CHD2: variants seen among roughly 807,000 people sequenced by gnomAD.
CHD2 encodes chromodomain helicase DNA binding protein 2.
In CHD2, 28 loss-of-function variants were observed where a neutral mutation model predicts 243.9. The observed-to-expected ratio is 0.11, with a 90% confidence interval of 0.09 to 0.16. The LOEUF is 0.16. CHD2 is among the 10% of genes least tolerant of loss of function. The pLI is 1.00. For missense variants in CHD2, 1,386 were observed against 2,209.8 expected (o/e 0.63, Z 7.47); for synonymous variants, 775 against 779.0 (o/e 0.99, Z 0.09).
In CHD2 at chr15:92,901,174, C is replaced by A; in HGVS notation, c.-64C>A. The stretch of plus-strand genomic sequence containing the variant: ...TCTTTCAACTTTTGACAGTAAATAC[C>A]TGGGCACAGGACTTCAAAGCAAACA... On this transcript the variant is annotated 5_prime_UTR_variant, in exon 2 of 39. The change creates a new upstream start codon in the 5' untranslated region. Transcript: ENST00000394196. 1.1e-6 allele frequency: 1 copy of A among 944,736 alleles called. No individual in the cohort carries two copies. Among genetic ancestry groups the A allele is most frequent in the Non-Finnish European group, 1.7e-6 (1 of 584,218 alleles). 58.5% of individuals were successfully genotyped at this position (944,736 alleles called of 1,614,324 possible).
intron 35 of CHD2, among the ~76,000 whole-genome samples, 186 bp from the exon 36 acceptor site, chr15:93,012,159 C>G (rs1439958663): frequency 1.3e-5 from 2 of 152,076 alleles, no homozygotes; most frequent in Admixed American, 1.3e-4. Context: ...AAGAACCTAT[C>G]GACAACATTA....
chr15:93,008,435 C>T (rs1399577446), intron 34 of CHD2, among the ~76,000 whole-genome samples: 2 of 152,222 alleles, frequency 1.3e-5, no homozygotes, highest in Non-Finnish European at 2.9e-5. Flanking sequence ...AACCGCTCCC[C>T]ATTTTAGCCC....
chr15:92,953,754 A>G (rs558015481), intron 14 of CHD2, 181 bp downstream of exon 14: 1 of 607,004 alleles, frequency 1.6e-6, no homozygotes, highest in African/African-American at 1.8e-5. Context: ...TTTAACAAAT[A>G]TGCTTACTAG....
intron 2 of CHD2, among the ~76,000 whole-genome samples, chr15:92,910,899 C>T (rs1326570247): frequency 6.6e-6 from 1 of 152,148 alleles, no homozygotes; most frequent in African/African-American, 2.4e-5. Flanking sequence ...GTATAGCCTA[C>T]TGCACACTTA....
In CHD2 at chr15:92,944,439, T is replaced by C; in HGVS notation, c.1077T>C (p.Asp359=). 1 of 1,609,856 alleles carries C rather than the reference T, an allele frequency of 6.2e-7. No individual in the cohort carries two copies. The highest frequency in any genetic ancestry group is 2.2e-5 in the East Asian group (1 of 44,782). ...KQWLGKVSPE[D]VEYFNCQQEL... ...GGTTAGGGAAAGTTTCTCCTGAAGA[T>C]GTAGAATATTTCAATTGCCAACAGG... The change falls in exon 10 of 39, where the codon GAT becomes GAC. Residue 359 remains aspartate, a synonymous_variant. Coordinates refer to ENST00000394196, the MANE Select transcript of CHD2 (RefSeq NM_001271.4).
At chr15:93,007,471 TTTA>T (rs1455517028) in intron 34 of CHD2, among the ~76,000 whole-genome samples, 4 of 152,228 alleles carry the variant, frequency 2.6e-5, no homozygotes, top group Non-Finnish European at 5.9e-5. Flanking sequence ...TGGTATATTT[TTTA>T]TTTTATGTCC....
intron 13 of CHD2, among the ~76,000 whole-genome samples, chr15:92,951,183 T>G (rs1252171214): frequency 6.6e-6 from 1 of 152,074 alleles, no homozygotes; most frequent in Admixed American, 6.5e-5. Flanking sequence ...ATTTTTTAGT[T>G]TTTTTGAGAC....
At chr15:92,926,026 C>T (rs1051679817) in intron 3 of CHD2, among the ~76,000 whole-genome samples, 22 of 152,182 alleles carry the variant, frequency 1.4e-4, no homozygotes, top group African/African-American at 4.8e-4. Context: ...GGCTGGAGTG[C>T]AGTGGTGCAA....
At chr15:92,945,726 G>T (rs2053456878) in intron 10 of CHD2, 95 bp from the exon 11 acceptor site, 3 of 719,798 alleles carry the variant, frequency 4.2e-6, no homozygotes, top group South Asian at 4.5e-5. Flanking sequence ...AAGGTGTGAG[G>T]TAGTAGAATA....
chr15:92,904,530 G>A (rs2052583266), intron 2 of CHD2: 1 of 997,774 alleles, frequency 1.0e-6, no homozygotes, highest in Non-Finnish European at 1.2e-6. Flanking sequence ...TTTCCGGTGG[G>A]CGGCTTCTTT....
At chr15:92,907,985 A>G (rs2052652727) in intron 2 of CHD2, among the ~76,000 whole-genome samples, 1 of 148,174 alleles carries the variant, frequency 6.7e-6, no homozygotes, top group Non-Finnish European at 1.5e-5. Flanking sequence ...TGCGTTTTAC[A>G]GTTCATCCTC....
chr15:92,950,397 T>TAG (rs1444728725), intron 13 of CHD2: 13 of 152,224 alleles, frequency 8.5e-5, no homozygotes, highest in Non-Finnish European at 1.2e-4. Context: ...TGAACCTATA[T>TAG]AGATGTATTT....
At chr15:92,945,208 A>G (rs976414329) in intron 10 of CHD2, 1 of 152,304 alleles carries the variant, frequency 6.6e-6, no homozygotes, top group Non-Finnish European at 1.5e-5. Context: ...TGAATTTGGC[A>G]CTGGCAAAAC....
chr15:92,967,823 T>C (rs1257850884), intron 17 of CHD2, among the ~76,000 whole-genome samples: 1 of 152,164 alleles, frequency 6.6e-6, no homozygotes, highest in Non-Finnish European at 1.5e-5. Context: ...ATTTCAATAC[T>C]GTTGTTATGT....
chr15:93,009,351 T>C, intron 35 of CHD2, 28 bp downstream of exon 35: 5 of 1,602,184 alleles, frequency 3.1e-6, no homozygotes, highest in Non-Finnish European at 3.4e-6. Context: ...GTCTGCCCAG[T>C]TTGATTTGAC....
At chr15:92,990,436 C>G (rs935537576) in intron 26 of CHD2, among the ~76,000 whole-genome samples, 7 of 152,240 alleles carry the variant, frequency 4.6e-5, no homozygotes, top group African/African-American at 1.7e-4. Flanking sequence ...TGATTGTGAC[C>G]GTTTATGCCA....
At chr15:92,953,796 T>A in intron 14 of CHD2, 1 of 538,170 alleles carries the variant, frequency 1.9e-6, no homozygotes, top group Non-Finnish European at 3.3e-6. Flanking sequence ...TGAGTGGGAA[T>A]CTCTTTTAGC....
intron 37 of CHD2, among the ~76,000 whole-genome samples, chr15:93,019,288 G>A (rs889269874): frequency 6.6e-6 from 1 of 152,154 alleles, no homozygotes. Context: ...GATATTACTC[G>A]CAGCTGTGAA....
chr15:93,010,993 A>C (rs1188598368), intron 35 of CHD2, among the ~76,000 whole-genome samples: 1 of 152,218 alleles, frequency 6.6e-6, no homozygotes, highest in Non-Finnish European at 1.5e-5. Context: ...CTATAAAGAA[A>C]AGATTTAATT....
Sources: allele counts gnomAD v4.1 joint callset (sites outside exome capture counted in the v4.1 genomes callset), GRCh38; gene constraint gnomAD v4.1.1; transcripts MANE v1.5; gene names NCBI Gene and HGNC (gene_info 2026-07-23, HGNC 2026-07-21).